Variants in ZNF282 observed in about 807,000 individuals in gnomAD.
ZNF282 encodes the protein HTLV-I U5 repressive element-binding protein 1.
Under a neutral mutation model 61.9 loss-of-function variants are expected in ZNF282, and 30 were observed. The ratio of observed to expected loss-of-function variants is 0.48; its 90% CI spans 0.36 to 0.66. ZNF282 has a LOEUF of 0.66. Ranked by LOEUF, ZNF282 falls within the 30% of genes least tolerant of loss-of-function variation. The pLI is 0.00. For synonymous variants in ZNF282, 396 were observed against 405.0 expected, an observed-to-expected ratio of 0.98 and a Z score of 0.27; for missense variants, 788 against 941.4, an observed-to-expected ratio of 0.84 and a Z score of 2.13.
At chr7:149,206,905 AG>A in intron 3 of ZNF282, 83 bp downstream of exon 3, 1 of 1,543,368 alleles carries the variant, frequency 6.5e-7, no homozygotes, top group Non-Finnish European at 8.7e-7. Flanking sequence ...AGCACCGCCT[AG>A]GCAGGTTGTT....
intron 2 of ZNF282, among the ~76,000 whole-genome samples, chr7:149,199,575 C>T (rs1182327226): frequency 6.6e-6 from 1 of 152,224 alleles, no homozygotes; most frequent in Non-Finnish European, 1.5e-5. Context: ...CATTTCTCCA[C>T]TCCTCTTTAG....
chr7:149,213,668 A>C (rs1405218390), intron 6 of ZNF282, 33 bp from the exon 7 acceptor site: 45 of 1,566,660 alleles, frequency 2.9e-5, no homozygotes, highest in Non-Finnish European at 3.9e-5. Context: ...GAACTGAACA[A>C]AATCTAAGAC....
At chr7:149,214,473 C>T (rs562590681) in intron 7 of ZNF282, among the ~76,000 whole-genome samples, 2 of 151,914 alleles carry the variant, frequency 1.3e-5, no homozygotes, top group African/African-American at 2.4e-5. Context: ...GGAGAGGGGC[C>T]GGGAGATTGC....
At chr7:149,209,687 G>A (rs900738896) in intron 4 of ZNF282, among the ~76,000 whole-genome samples, 22 of 152,148 alleles carry the variant, frequency 1.4e-4, no homozygotes, top group Admixed American at 3.3e-4. Context: ...AGTTGGTGCG[G>A]AGTTGAAGGC....
rs1795999495 is a variant in ZNF282 at position 149,206,894 on chromosome 7, T to G, written c.712+72T>G. On this transcript the variant is annotated intron_variant, in intron 3 of 7. Coordinates refer to ENST00000610704, the MANE Select transcript of ZNF282 (RefSeq NM_003575.4). ...TTGTGAAATGCTTATTTGTCCACGTTAGCACCGCCTAGGCAGGTTGTTTCA... is the reference window on the plus strand; with the variant it reads ...TTGTGAAATGCTTATTTGTCCACGTGAGCACCGCCTAGGCAGGTTGTTTCA... 2.5e-6 allele frequency: 4 copies of G among 1,571,186 alleles called. No individual in the cohort carries two copies. The Admixed American group carries it at 7.1e-5, about 28-fold the overall frequency.
chr7:149,221,486 G>C (rs1796250481), intron 7 of ZNF282, among the ~76,000 whole-genome samples: 1 of 152,202 alleles, frequency 6.6e-6, no homozygotes, highest in Non-Finnish European at 1.5e-5. Context: ...ACAGCCCCTG[G>C]GAGTTTATGT....
intron 2 of ZNF282, among the ~76,000 whole-genome samples, chr7:149,203,449 C>T (rs1034937678): frequency 2.0e-5 from 3 of 152,206 alleles, no homozygotes; most frequent in Non-Finnish European, 2.9e-5. Flanking sequence ...TGGGCTCAAG[C>T]AATCCTTCCA....
Position 149,198,507 on chromosome 7 carries a change from G to A in ZNF282, c.340G>A (p.Ala114Thr). ...AIQAVERKVD[A>T]QASQLLNLEG... ...TCAGGCTGTGGAGAGGAAGGTGGAT[G>A]CCCAGGCCAGCCAGCTGCTGAACCT... is the stretch of plus-strand genomic sequence containing the variant. Residue 114 changes from alanine (A) to threonine (T), a missense_variant, in exon 2 of 8, where the codon GCC becomes ACC. By Grantham distance (58) the Ala-to-Thr change is moderately conservative (BLOSUM62 0). This residue lies in a region of ZNF282 where 92 missense variants were observed against 163.9 expected (regional missense o/e 0.56). Coordinates refer to ENST00000610704, the MANE Select transcript of ZNF282 (RefSeq NM_003575.4). This position sits in a 1 kb window ranked among gnomAD's most constrained non-coding sequence, Gnocchi z 4.3. 1.2e-6 allele frequency: 2 copies of A among 1,614,240 alleles called. No individual in the cohort carries two copies. The highest frequency in any genetic ancestry group is 1.7e-6 in the Non-Finnish European group (2 of 1,180,038).
intron 7 of ZNF282, among the ~76,000 whole-genome samples, chr7:149,218,617 C>T (rs1179427352): frequency 2.0e-5 from 3 of 152,020 alleles, no homozygotes; most frequent in East Asian, 1.9e-4. Flanking sequence ...TGACTTCCAA[C>T]ATCAGCGACC....
At chr7:149,214,151 C>T (rs989752152) in intron 7 of ZNF282, among the ~76,000 whole-genome samples, 1 of 152,140 alleles carries the variant, frequency 6.6e-6, no homozygotes, top group Non-Finnish European at 1.5e-5. Context: ...ATTCCTCCCT[C>T]GCCTCTCCCA....
chr7:149,204,777 A>C (rs891897224), intron 2 of ZNF282, among the ~76,000 whole-genome samples: 1 of 152,152 alleles, frequency 6.6e-6, no homozygotes, highest in Non-Finnish European at 1.5e-5. Context: ...CAGCGGTATG[A>C]ATTGGTGGTG....
chr7:149,215,145 A>G (rs997599811), intron 7 of ZNF282, among the ~76,000 whole-genome samples: 3 of 151,950 alleles, frequency 2.0e-5, no homozygotes, highest in African/African-American at 4.8e-5. Flanking sequence ...TGGCTGGTCA[A>G]AGGCTTAACA....
intron 1 of ZNF282, among the ~76,000 whole-genome samples, chr7:149,196,686 C>T (rs1795822448): frequency 6.6e-6 from 1 of 152,196 alleles, no homozygotes; most frequent in South Asian, 2.1e-4. Context: ...GAAAACTAAA[C>T]TGGGCCCCGG....
intron 1 of ZNF282, 28 bp downstream of exon 1, chr7:149,195,782 C>A: frequency 6.8e-7 from 1 of 1,467,702 alleles, no homozygotes; most frequent in Non-Finnish European, 9.0e-7. Flanking sequence ...GCGCCATGGC[C>A]GCGCTGCCGT....
chr7:149,207,086 A>G (rs899320281), intron 3 of ZNF282, among the ~76,000 whole-genome samples: 1 of 152,100 alleles, frequency 6.6e-6, no homozygotes, highest in Admixed American at 6.5e-5. Context: ...CACCATTCGC[A>G]CCTCACCACG....
In ZNF282 at chr7:149,224,105, G is replaced by A. The variant is rs763271661; in HGVS notation, c.1474G>A (p.Ala492Thr). The A allele has an allele frequency of 2.8e-6, 4 of 1,406,258 alleles. No homozygotes were observed. Among genetic ancestry groups the A allele is most frequent in the Non-Finnish European group, 3.7e-6 (4 of 1,084,614 alleles). 87.1% of individuals were successfully genotyped at this position (1,406,258 alleles called of 1,614,324 possible). ...CGGCGGCGCGGAGGCGGGGACGGGG[G>A]CAGGCGGCGGCTGTGGCAGCTGCTG... ...GGGGAEAGTGAGGGCGSCCPG... is the reference protein window; with the variant it reads ...GGGGAEAGTGTGGGCGSCCPG... The change falls in exon 8 of 8, where the codon GCA (alanine) becomes ACA (threonine). Residue 492 changes from alanine to threonine, a missense_variant. Around this residue, in one of 3 missense-constraint regions of ZNF282, gnomAD observed 559 missense variants for 642.0 expected, o/e 0.87. Coordinates refer to ENST00000610704, the MANE Select transcript of ZNF282 (RefSeq NM_003575.4).
chr7:149,208,869 A>C (rs557069828), intron 4 of ZNF282, among the ~76,000 whole-genome samples: 1 of 151,564 alleles, frequency 6.6e-6, no homozygotes, highest in East Asian at 2.0e-4. Flanking sequence ...AAAATACAAA[A>C]AATTAGCCGG....
chr7:149,205,499 T>C (rs967209158), intron 2 of ZNF282, among the ~76,000 whole-genome samples: 5 of 152,126 alleles, frequency 3.3e-5, no homozygotes, highest in East Asian at 3.9e-4. Flanking sequence ...TTTTCCCAGG[T>C]TGGGGCTTTT....
intron 7 of ZNF282, 84 bp downstream of exon 7, chr7:149,213,898 C>A: frequency 2.2e-6 from 2 of 908,110 alleles, no homozygotes; most frequent in Non-Finnish European, 3.5e-6. Flanking sequence ...GTCCTCTTCT[C>A]AGCTCACCCC....
Sources: allele counts gnomAD v4.1 joint callset (sites outside exome capture counted in the v4.1 genomes callset), GRCh38; gene constraint gnomAD v4.1.1; regional missense constraint gnomAD v4.1.1; non-coding constraint Gnocchi (gnomAD v3.1); transcripts MANE v1.5; gene names NCBI Gene and HGNC (gene_info 2026-07-23, HGNC 2026-07-21).